The following MACROD2 variants were observed in gnomAD, a reference collection of about 807,000 sequenced individuals.
MACROD2 encodes ADP-ribose glycohydrolase MACROD2.
A neutral mutation model predicts 70.4 loss-of-function variants in MACROD2; 36 were observed. The ratio of observed to expected loss-of-function variants is 0.51; its 90% confidence interval spans 0.39 to 0.68. MACROD2 has a LOEUF of 0.68. MACROD2 is among the 30% of genes least tolerant of loss of function. MACROD2 has a pLI of 0.00. For missense variants in MACROD2, 496 were observed against 538.4 expected, an observed-to-expected ratio of 0.92 and a Z score of 0.78; for synonymous variants, 172 against 178.8, an observed-to-expected ratio of 0.96 and a Z score of 0.30.
At chr20:15,526,427 C>A (rs1306262740) in intron 8 of MACROD2, among the ~76,000 whole-genome samples, 1 of 152,060 alleles carries the variant, frequency 6.6e-6, no homozygotes, top group Non-Finnish European at 1.5e-5. Context: ...TGAGGCAAGG[C>A]TTTATGGAAA....
chr20:15,150,137 A>G (rs2076258848), intron 5 of MACROD2, among the ~76,000 whole-genome samples: 1 of 152,000 alleles, frequency 6.6e-6, no homozygotes, highest in Non-Finnish European at 1.5e-5. Flanking sequence ...CAAGATAGGT[A>G]ACAGATGAGG....
intron 5 of MACROD2, among the ~76,000 whole-genome samples, chr20:14,975,169 G>C (rs981155915): frequency 6.6e-6 from 1 of 152,042 alleles, no homozygotes; most frequent in Non-Finnish European, 1.5e-5. Flanking sequence ...ACCGGGGTGA[G>C]GGGCAGGGTG....
intron 2 of MACROD2, among the ~76,000 whole-genome samples, chr20:14,061,477 A>AT (rs2053690527): frequency 6.6e-6 from 1 of 152,166 alleles, no homozygotes; most frequent in Non-Finnish European, 1.5e-5. Flanking sequence ...ATGGTTTCAC[A>AT]TATCAGTACT....
chr20:15,968,562 G>A (rs2066176924), intron 13 of MACROD2, among the ~76,000 whole-genome samples: 1 of 151,678 alleles, frequency 6.6e-6, no homozygotes, highest in South Asian at 2.1e-4. Context: ...TGAAATAATT[G>A]TTCTATCAAA....
chr20:14,481,296 A>G (rs755389217), intron 3 of MACROD2, among the ~76,000 whole-genome samples: 4 of 152,132 alleles, frequency 2.6e-5, no homozygotes. Context: ...TTAATTGTTC[A>G]TATTACCTGA....
intron 15 of MACROD2, among the ~76,000 whole-genome samples, chr20:15,991,871 A>G (rs529677027): frequency 6.6e-6 from 1 of 152,246 alleles, no homozygotes; most frequent in South Asian, 2.1e-4. Context: ...GGTTTTATGA[A>G]TATTTTAGTA....
chr20:15,918,413 G>A (rs1326285172), intron 10 of MACROD2, among the ~76,000 whole-genome samples: 5 of 152,078 alleles, frequency 3.3e-5, no homozygotes, highest in African/African-American at 9.7e-5. Flanking sequence ...TCATGTGATC[G>A]GGAAAACTTT....
intron 5 of MACROD2, among the ~76,000 whole-genome samples, chr20:14,985,061 A>T (rs897210084): frequency 7.9e-5 from 12 of 152,174 alleles, no homozygotes; most frequent in Non-Finnish European, 1.6e-4. Context: ...GAGAAGTGTC[A>T]TGCATCACTG....
At chr20:14,232,979 A>G (rs747231426) in intron 3 of MACROD2, among the ~76,000 whole-genome samples, 2 of 152,206 alleles carry the variant, frequency 1.3e-5, no homozygotes, top group Non-Finnish European at 2.9e-5. Context: ...AGGTTTATTA[A>G]TTGGCCTAAT....
intron 3 of MACROD2, among the ~76,000 whole-genome samples, chr20:14,256,413 C>A (rs556189367): frequency 1.1e-4 from 17 of 152,070 alleles, no homozygotes; most frequent in Admixed American, 7.9e-4. Context: ...TTGACTATGT[C>A]TTATTTTCAT....
At position 14,292,474 on chromosome 20, in the gene MACROD2, G is replaced by C. The variant is rs1434601121; in HGVS notation, c.272-201005G>C. 2.0e-5 allele frequency among the ~76,000 whole-genome samples: 3 copies of C among 151,838 alleles called. No individual in the cohort carries two copies. In the East Asian group the frequency reaches 5.8e-4, roughly 29 times the overall value. Reference sequence around the variant, plus strand: ...AGTAGTGCTAAGGTTGAGAAACCCTGGGTAAAGGGAGTCTGAGTAGGACAT... The same window carrying C: ...AGTAGTGCTAAGGTTGAGAAACCCTCGGTAAAGGGAGTCTGAGTAGGACAT... On this transcript the variant is annotated intron_variant, in intron 3 of 17. Transcript: ENST00000684519.
chr20:15,235,767 C>G (rs751746025), intron 6 of MACROD2, among the ~76,000 whole-genome samples: 1 of 152,212 alleles, frequency 6.6e-6, no homozygotes, highest in Non-Finnish European at 1.5e-5. Context: ...AAGAACACGT[C>G]TGCAGCCTTA....
At chr20:14,220,212 G>GT (rs890767485) in intron 3 of MACROD2, among the ~76,000 whole-genome samples, 22 of 152,236 alleles carry the variant, frequency 1.4e-4, no homozygotes, top group African/African-American at 4.8e-4. Context: ...TGCGGCTGCT[G>GT]TTGGGGGGTG....
chr20:15,330,828 A>C (rs1391877393), intron 6 of MACROD2, among the ~76,000 whole-genome samples: 9 of 151,590 alleles, frequency 5.9e-5, no homozygotes, highest in Admixed American at 5.3e-4. Context: ...AGGCATCTCA[A>C]GTTTAGAATC....
chr20:15,925,687 T>C (rs1480916850), intron 10 of MACROD2, among the ~76,000 whole-genome samples: 1 of 152,190 alleles, frequency 6.6e-6, no homozygotes, highest in Non-Finnish European at 1.5e-5. Flanking sequence ...ACAACACATA[T>C]GGAAGGCCCA....
intron 2 of MACROD2, among the ~76,000 whole-genome samples, chr20:14,029,839 T>A (rs2053224850): frequency 6.6e-6 from 1 of 152,226 alleles, no homozygotes; most frequent in South Asian, 2.1e-4. Flanking sequence ...ACAATGTAAT[T>A]TATCGATACT....
At chr20:14,884,886 A>G (rs969484167) in intron 5 of MACROD2, among the ~76,000 whole-genome samples, 1 of 152,162 alleles carries the variant, frequency 6.6e-6, no homozygotes, top group South Asian at 2.1e-4. Flanking sequence ...ACTCCCTTCT[A>G]TTCATTCCAG....
intron 5 of MACROD2, among the ~76,000 whole-genome samples, chr20:14,814,206 G>A (rs951245897): frequency 8.6e-5 from 13 of 152,022 alleles, no homozygotes; most frequent in African/African-American, 2.7e-4. Context: ...GTGCTGTTTC[G>A]TGTCTCTCTT....
At chr20:15,062,573 T>TGCTCCCGAA (rs1173373965) in intron 5 of MACROD2, among the ~76,000 whole-genome samples, 1 of 152,158 alleles carries the variant, frequency 6.6e-6, no homozygotes, top group Non-Finnish European at 1.5e-5. Context: ...GGTTTTGCTG[T>TGCTCCCGAA]GCTCCCGAAC....
Sources: gnomAD v4.1 joint callset for allele counts (sites outside exome capture counted in the v4.1 genomes callset) on GRCh38, gnomAD v4.1.1 for gene constraint, MANE v1.5 for transcripts, NCBI Gene and HGNC (gene_info 2026-07-23, HGNC 2026-07-21) for gene names.